SMURF1: variants seen among roughly 807,000 people sequenced by gnomAD.
SMURF1 encodes SMAD specific E3 ubiquitin protein ligase 1.
Under a neutral mutation model 98.0 loss-of-function variants are expected in SMURF1, and 44 were observed. That is an observed-to-expected ratio of 0.45 (90% CI 0.35 to 0.58). The LOEUF (loss-of-function observed/expected upper bound fraction) is 0.58, where lower values mean the gene tolerates loss of function less well. Among genes scored for constraint, SMURF1 ranks in the 20% least tolerant of loss-of-function variants. The pLI is 0.00. For synonymous variants in SMURF1, 396 were observed against 374.9 expected (o/e 1.06, Z -0.65); for missense variants, 687 against 938.4 (o/e 0.73, Z 3.50).
At chr7:99,104,961 C>A (rs1342777535) in intron 1 of SMURF1, among the ~76,000 whole-genome samples, 2 of 152,214 alleles carry the variant, frequency 1.3e-5, no homozygotes, top group Non-Finnish European at 2.9e-5. Flanking sequence ...GCGCTCCTAG[C>A]AGCCTTCCAA....
chr7:99,037,160 T>A lies in SMURF1; in HGVS notation c.1716A>T (p.Arg572Ser). ...GAGCTAAGAACTGGGCTTCGATTCC[T>A]CTCATAAACCTCCAGTTTACATACA... is the stretch of plus-strand genomic sequence containing the variant. ...VRLYVNWRFM[R>S]GIEAQFLALQ... is the part of the protein sequence containing the mutation. Residue 572 changes from arginine (R) to serine (S), a missense_variant, in exon 15 of 18, where the codon AGA becomes AGT. By Grantham distance (110) the Arg-to-Ser change is moderately radical. Transcript: ENST00000361368. 6.2e-7 allele frequency: 1 copy of A among 1,614,146 alleles called. No homozygotes were observed. The highest frequency in any genetic ancestry group is 1.1e-5 in the South Asian group (1 of 91,084).
At chr7:99,111,229 G>T (rs779207847) in intron 1 of SMURF1, among the ~76,000 whole-genome samples, 1 of 152,176 alleles carries the variant, frequency 6.6e-6, no homozygotes, top group South Asian at 2.1e-4. Flanking sequence ...AACCAAATAC[G>T]AATGACACCT....
intron 1 of SMURF1, among the ~76,000 whole-genome samples, chr7:99,136,008 T>A (rs1321735554): frequency 6.6e-6 from 1 of 152,210 alleles, no homozygotes; most frequent in Non-Finnish European, 1.5e-5. Context: ...GATTATCAAT[T>A]AAAAATAAAT....
chr7:99,049,522 C>A, intron 9 of SMURF1, 41 bp downstream of exon 9: 1 of 1,593,344 alleles, frequency 6.3e-7, no homozygotes, highest in Non-Finnish European at 8.6e-7. Context: ...CATTCGATTA[C>A]CAATGAAAGA....
intron 1 of SMURF1, among the ~76,000 whole-genome samples, chr7:99,104,675 T>C (rs905297750): frequency 2.0e-5 from 3 of 152,376 alleles, no homozygotes; most frequent in African/African-American, 4.8e-5. Flanking sequence ...GCTGCAATTA[T>C]TCCGATACAT....
Position 99,071,736 on chromosome 7 carries a change from T to C in SMURF1, c.56-9899A>G, listed in dbSNP as rs554375223. On this transcript the variant is annotated intron_variant, in intron 1 of 17. Transcript: ENST00000361368. ...ATATAGGACAATTTCTATCTCCAGATAATGTTTCTGTCTTAAATAAACCCA... is the reference window on the plus strand; with the variant it reads ...ATATAGGACAATTTCTATCTCCAGACAATGTTTCTGTCTTAAATAAACCCA... Among the ~76,000 whole-genome samples, 324 of 152,306 alleles carry C rather than the reference T, an allele frequency of 2.1e-3. 1 individual carries two copies. The Middle Eastern group carries it at 0.027, about 13-fold the overall frequency.
chr7:99,055,007 A>G, intron 5 of SMURF1, 142 bp from the exon 6 acceptor site: 1 of 676,234 alleles, frequency 1.5e-6, no homozygotes, highest in Non-Finnish European at 2.6e-6. Flanking sequence ...ATATATTCCT[A>G]TGCTTTCCAA....
intron 1 of SMURF1, among the ~76,000 whole-genome samples, chr7:99,068,324 C>T (rs1252431143): frequency 6.6e-6 from 1 of 152,232 alleles, no homozygotes; most frequent in Non-Finnish European, 1.5e-5. Flanking sequence ...TAAGATCTCA[C>T]TCTCTGCCCA....
At position 99,030,613 on chromosome 7, in the gene SMURF1, C is replaced by G. The variant is rs1191512333; in HGVS notation, c.2167G>C (p.Glu723Gln). The change falls in exon 18 of 18, where the codon GAG becomes CAG. Residue 723 changes from glutamate (E) to glutamine (Q), a missense_variant. By Grantham distance (29) the Glu-to-Gln change is conservative (BLOSUM62 2). This residue lies in a region of SMURF1 where 272 missense variants were observed against 430.0 expected (regional missense o/e 0.63). Transcript: ENST00000361368. ...TCCACAGCAAACCCGCAGGTCTCCTCCACGGCTGTCAGCAGCTTCTCGTAG... is the reference window on the plus strand; with the variant it reads ...TCCACAGCAAACCCGCAGGTCTCCTGCACGGCTGTCAGCAGCTTCTCGTAG... ...KLYEKLLTAV[E>Q]ETCGFAVE The G allele has an allele frequency of 1.2e-6, 2 of 1,614,064 alleles. No homozygotes were observed. Among genetic ancestry groups the G allele is most frequent in the Non-Finnish European group, 1.7e-6 (2 of 1,180,044 alleles).
intron 1 of SMURF1, among the ~76,000 whole-genome samples, chr7:99,091,932 C>T (rs1796822967): frequency 6.6e-6 from 1 of 152,162 alleles, no homozygotes; most frequent in African/African-American, 2.4e-5. Context: ...TTATTCACTG[C>T]ACCAGACCAA....
Position 99,045,692 on chromosome 7 carries a change from G to C in SMURF1, c.1256+6C>G. On this transcript the variant is annotated splice_donor_region_variant and intron_variant, in intron 11 of 17. Coordinates refer to ENST00000361368, the MANE Select transcript of SMURF1 (RefSeq NM_181349.3). ...AGCAGAGAAGGTGAATGAACAAGCAGCTCACCTGGCCACACCACCGTAATC... is the reference window on the plus strand; with the variant it reads ...AGCAGAGAAGGTGAATGAACAAGCACCTCACCTGGCCACACCACCGTAATC... 6.2e-7 allele frequency: 1 copy of C among 1,608,338 alleles called. No individual in the cohort carries two copies. Among genetic ancestry groups the C allele is most frequent in the Non-Finnish European group, 8.5e-7 (1 of 1,174,700 alleles).
intron 14 of SMURF1, among the ~76,000 whole-genome samples, chr7:99,037,691 C>G (rs1320912599): frequency 6.6e-6 from 1 of 152,198 alleles, no homozygotes; most frequent in Non-Finnish European, 1.5e-5. Context: ...TGCCCTGATT[C>G]ATTCCGATTT....
intron 3 of SMURF1, 54 bp from the exon 4 acceptor site, chr7:99,057,605 G>GTTTTTTTTTTTTTTTTTTT: frequency 1.8e-6 from 2 of 1,104,850 alleles, no homozygotes; most frequent in East Asian, 3.5e-5. Context: ...TTTTTGTTTT[G>GTTTTTTTTTTTTTTTTTTT]TTTTTTTTTT....
intron 1 of SMURF1, among the ~76,000 whole-genome samples, chr7:99,072,418 T>A (rs1584146060): frequency 6.6e-6 from 1 of 151,960 alleles, no homozygotes; most frequent in Non-Finnish European, 1.5e-5. Flanking sequence ...CCAAGGCAGG[T>A]GGATCACCTG....
chr7:99,062,755 G>A (rs1796061413), intron 1 of SMURF1, among the ~76,000 whole-genome samples: 1 of 152,092 alleles, frequency 6.6e-6, no homozygotes, highest in East Asian at 1.9e-4. Context: ...AGCTGAGGCA[G>A]GAGAATCACT....
intron 1 of SMURF1, among the ~76,000 whole-genome samples, chr7:99,063,026 T>C (rs1222353837): frequency 6.6e-6 from 1 of 151,612 alleles, no homozygotes; most frequent in African/African-American, 2.4e-5. Context: ...TTTTGTCTTT[T>C]GTACTGCTTC....
intron 1 of SMURF1, 27 bp downstream of exon 1, chr7:99,143,699 C>A (rs763378464): frequency 6.5e-7 from 1 of 1,538,940 alleles, no homozygotes; most frequent in South Asian, 1.2e-5. Flanking sequence ...GGCGCCGGGG[C>A]GCGGGTGGGC....
intron 1 of SMURF1, among the ~76,000 whole-genome samples, chr7:99,108,270 T>G (rs1448785353): frequency 6.6e-6 from 1 of 151,436 alleles, no homozygotes; most frequent in African/African-American, 2.4e-5. Flanking sequence ...CAGGCTGGAG[T>G]GCAGTGGCGC....
At chr7:99,131,938 C>T (rs1435894586) in intron 1 of SMURF1, among the ~76,000 whole-genome samples, 2 of 152,116 alleles carry the variant, frequency 1.3e-5, no homozygotes, top group Non-Finnish European at 2.9e-5. Context: ...AAGATGCAAC[C>T]GCAAAGCTTG....
Sources: gnomAD v4.1 joint callset for allele counts (sites outside exome capture counted in the v4.1 genomes callset) on GRCh38, gnomAD v4.1.1 for gene constraint, gnomAD v4.1.1 regional missense constraint, MANE v1.5 for transcripts, NCBI Gene and HGNC (gene_info 2026-07-23, HGNC 2026-07-21) for gene names.